TAS2R14: variants seen among roughly 807,000 people sequenced by gnomAD.
The protein encoded by TAS2R14 is taste 2 receptor member 14, also known as taste receptor type 2 member 14.
For synonymous variants in TAS2R14, 131 were observed against 131.0 expected (o/e 1.00, Z 0.00); for missense variants, 383 against 372.0 (o/e 1.03, Z -0.24).
chr12:10,938,801 AC>A, intron 4 of TAS2R14: 1 of 1,613,436 alleles, frequency 6.2e-7, no homozygotes. Context: ...GACCGAAGTC[AC>A]AAGAAGCAGC....
chr12:10,939,123 G>T, exon 1 of TAS2R14: 1 of 1,607,708 alleles, frequency 6.2e-7, no homozygotes, highest in Non-Finnish European at 8.5e-7. Flanking sequence ...CAGTTCACCA[G>T]TGCTATGAAA....
chr12:10,938,945 A>C, exon 1 of TAS2R14: 2 of 1,613,826 alleles, frequency 1.2e-6, no homozygotes, highest in Non-Finnish European at 1.7e-6. Context: ...CACTGTCCAG[A>C]TATTAGTAAG....
At chr12:10,938,598 A>T (rs772180954) in exon 1 of TAS2R14, 1 of 1,613,924 alleles carries the variant, frequency 6.2e-7, no homozygotes, top group Non-Finnish European at 8.5e-7. Flanking sequence ...TTCCACATGG[A>T]GAAGATGAGG....
exon 1 of TAS2R14, chr12:10,938,162 C>T (rs1950320142): frequency 2.3e-6 from 2 of 878,358 alleles, no homozygotes; most frequent in Admixed American, 3.1e-5. Flanking sequence ...TTGTAAAATT[C>T]ACAAAGTTAT....
At chr12:10,938,146 A>C in exon 1 of TAS2R14, 1 of 733,628 alleles carries the variant, frequency 1.4e-6, no homozygotes, top group Non-Finnish European at 2.2e-6. Context: ...GATTCCAAGC[A>C]TATCTTTGTA....
exon 1 of TAS2R14, chr12:10,937,445 A>T (rs1161213301): frequency 6.6e-6 from 1 of 152,100 alleles, no homozygotes; most frequent in Non-Finnish European, 1.5e-5. Context: ...AATACTATAC[A>T]CAGGAAGATA....
exon 1 of TAS2R14, chr12:10,939,136 A>G: frequency 6.2e-7 from 1 of 1,601,834 alleles, no homozygotes; most frequent in Non-Finnish European, 8.5e-7. Flanking sequence ...CTATGAAACT[A>G]TTTCCTAAAT....
exon 1 of TAS2R14, chr12:10,938,080 T>C (rs975019940): frequency 5.8e-5 from 31 of 533,432 alleles, no homozygotes; most frequent in Non-Finnish European, 9.8e-5. Flanking sequence ...TTCTTCTCTG[T>C]ATGGTAATAT....
In TAS2R14 at chr12:10,938,346, T is replaced by G. The variant is rs750727119; in HGVS notation, c.862A>C (p.Arg288=). 3 of 1,614,076 alleles carry G rather than the reference T, an allele frequency of 1.9e-6. No homozygotes were observed. In the South Asian group the frequency reaches 3.3e-5, roughly 18 times the overall value. The change falls in exon 1 of 1, where the codon AGA becomes CGA. Residue 288 remains arginine (R), a synonymous_variant. Transcript: ENST00000537503. The stretch of plus-strand genomic sequence containing the variant: ...AGTAGCACTGACAGAGAGGCCTGTC[T>G]CAGCTTCTTGTTTCCAAGAATCAGA...
At chr12:10,938,576 T>C (rs111614880) in exon 1 of TAS2R14, 1 of 1,614,004 alleles carries the variant, frequency 6.2e-7, no homozygotes, top group Non-Finnish European at 8.5e-7. Flanking sequence ...GTGCTGCATC[T>C]TCTTGCGATG....
At chr12:10,939,103 C>A in exon 1 of TAS2R14, 1 of 1,613,432 alleles carries the variant, frequency 6.2e-7, no homozygotes, top group South Asian at 1.1e-5. Context: ...TTCCCTTGAC[C>A]CAGTCAATAC....
At chr12:10,937,811 T>C (rs535184966) in exon 1 of TAS2R14, 3 of 153,134 alleles carry the variant, frequency 2.0e-5, no homozygotes, top group African/African-American at 7.2e-5. Flanking sequence ...GCATACACGC[T>C]AATCAGGTAC....
At chr12:10,938,467 A>G (rs150159794) in exon 1 of TAS2R14, 99 of 1,613,988 alleles carry the variant, frequency 6.1e-5, no homozygotes, top group Non-Finnish European at 7.7e-5. Flanking sequence ...CTGATATGAA[A>G]AAAGACAGAG....
chr12:10,938,715 A>T (rs1010518434), exon 1 of TAS2R14: 17 of 1,613,988 alleles, frequency 1.1e-5, no homozygotes, highest in Non-Finnish European at 1.4e-5. Context: ...TCAGAACTGC[A>T]AGTCTTGTTT....
chr12:10,939,205 CA>C (rs1405294548), intron 4 of TAS2R14: 1 of 1,545,198 alleles, frequency 6.5e-7, no homozygotes, highest in African/African-American at 1.4e-5. Flanking sequence ...TGACACCACC[CA>C]TTGCCTGTAA....
At chr12:10,938,757 G>A (rs1241426370) in exon 1 of TAS2R14, 1 of 1,613,812 alleles carries the variant, frequency 6.2e-7, no homozygotes, top group Non-Finnish European at 8.5e-7. Flanking sequence ...GCATTTATAT[G>A]GATGTTTATC....
chr12:10,938,506 G>T (rs769748875), exon 1 of TAS2R14: 31 of 1,614,068 alleles, frequency 1.9e-5, no homozygotes, highest in Middle Eastern at 3.3e-4. Flanking sequence ...GGAAGAAAGT[G>T]ATCACACTTT....
exon 1 of TAS2R14, chr12:10,938,534 T>C: frequency 6.2e-7 from 1 of 1,614,048 alleles, no homozygotes; most frequent in South Asian, 1.1e-5. Context: ...TCTGTGGGCT[T>C]TGGTGCTGGC....
chr12:10,938,775 T>C (rs1469795685), exon 1 of TAS2R14: 1 of 1,613,560 alleles, frequency 6.2e-7, no homozygotes, highest in Non-Finnish European at 8.5e-7. Flanking sequence ...ATCAGTGCAA[T>C]ATTTAAAAAC....
Sources: gnomAD v4.1 joint callset for allele counts on GRCh38, gnomAD v4.1.1 for gene constraint, MANE v1.5 for transcripts, NCBI Gene and HGNC (gene_info 2026-07-23, HGNC 2026-07-21) for gene names.